The following KHDRBS3 variants were observed in gnomAD, a reference collection of about 807,000 sequenced individuals.
The protein encoded by KHDRBS3 is KH domain-containing, RNA-binding, signal transduction-associated protein 3.
KHDRBS3 carries 23 observed loss-of-function variants against 45.6 expected under a neutral mutation model. That is an observed-to-expected ratio of 0.50 (90% CI 0.36 to 0.72). KHDRBS3 has a LOEUF of 0.72. Ranked by LOEUF, KHDRBS3 falls within the 30% of genes least tolerant of loss-of-function variation. The probability of loss-of-function intolerance (pLI) is 0.00; values close to 1 mark genes in which losing one functional copy is unlikely to be tolerated. For synonymous variants in KHDRBS3, 162 were observed against 156.5 expected (o/e 1.04, Z -0.26); for missense variants, 352 against 424.8 (o/e 0.83, Z 1.51).
At chr8:135,598,317 T>C (rs1206300949) in intron 6 of KHDRBS3, among the ~76,000 whole-genome samples, 2 of 152,216 alleles carry the variant, frequency 1.3e-5, no homozygotes, top group African/African-American at 2.4e-5. Context: ...ACAATTTTCA[T>C]AAATATTTTT....
intron 2 of KHDRBS3, among the ~76,000 whole-genome samples, chr8:135,528,131 A>G (rs1825285747): frequency 6.6e-6 from 1 of 152,196 alleles, no homozygotes. Context: ...TGTACATACT[A>G]TCTGCAGTAA....
chr8:135,461,930 C>T (rs1229767889), intron 1 of KHDRBS3, among the ~76,000 whole-genome samples: 2 of 152,100 alleles, frequency 1.3e-5, no homozygotes, highest in Non-Finnish European at 2.9e-5. Context: ...TATTACAATT[C>T]TTAGCATTAC....
At chr8:135,523,222 A>G (rs755011403) in intron 2 of KHDRBS3, among the ~76,000 whole-genome samples, 21 of 152,190 alleles carry the variant, frequency 1.4e-4, no homozygotes, top group Non-Finnish European at 2.4e-4. Context: ...TAGAATTGCA[A>G]TCGCATTGCA....
At chr8:135,570,675 C>T (rs903409429) in intron 5 of KHDRBS3, among the ~76,000 whole-genome samples, 1 of 152,156 alleles carries the variant, frequency 6.6e-6, no homozygotes, top group Non-Finnish European at 1.5e-5. Flanking sequence ...TCACCCTCTT[C>T]TCCTTCCTTC....
chr8:135,513,823 T>G (rs1249777384), intron 1 of KHDRBS3, among the ~76,000 whole-genome samples: 2 of 152,198 alleles, frequency 1.3e-5, no homozygotes, highest in African/African-American at 2.4e-5. Flanking sequence ...CATCTTAGGC[T>G]TCAGTGACTA....
At chr8:135,631,304 T>C (rs1830593621) in intron 7 of KHDRBS3, among the ~76,000 whole-genome samples, 1 of 151,692 alleles carries the variant, frequency 6.6e-6, no homozygotes, top group African/African-American at 2.4e-5. Context: ...ATTAACAGCT[T>C]ACTATAACTT....
intron 7 of KHDRBS3, among the ~76,000 whole-genome samples, chr8:135,630,077 G>A (rs539806626): frequency 6.6e-6 from 1 of 152,236 alleles, no homozygotes; most frequent in Non-Finnish European, 1.5e-5. Flanking sequence ...CAGAGAGGGA[G>A]TAAGGAATGT....
At chr8:135,636,604 G>C (rs1449918970) in intron 7 of KHDRBS3, among the ~76,000 whole-genome samples, 1 of 152,222 alleles carries the variant, frequency 6.6e-6, no homozygotes, top group Non-Finnish European at 1.5e-5. Context: ...CACTGTGGGA[G>C]AGGTGGGCTC....
chr8:135,474,143 A>G (rs1822152102), intron 1 of KHDRBS3, among the ~76,000 whole-genome samples: 1 of 152,128 alleles, frequency 6.6e-6, no homozygotes, highest in African/African-American at 2.4e-5. Context: ...TAACCTGTAA[A>G]AGACACCTTT....
At chr8:135,628,811 GAATAA>G (rs1269421964) in intron 7 of KHDRBS3, among the ~76,000 whole-genome samples, 1 of 152,176 alleles carries the variant, frequency 6.6e-6, no homozygotes. Flanking sequence ...GCTTTGTGGA[GAATAA>G]AATAAGAGAA....
At chr8:135,466,010 A>G (rs989928509) in intron 1 of KHDRBS3, among the ~76,000 whole-genome samples, 4 of 152,078 alleles carry the variant, frequency 2.6e-5, no homozygotes, top group Admixed American at 1.3e-4. Flanking sequence ...CTCTGCTTCA[A>G]TGTTTGTGCC....
At chr8:135,559,748 C>A (rs900799565) in intron 5 of KHDRBS3, among the ~76,000 whole-genome samples, 15 of 152,168 alleles carry the variant, frequency 9.9e-5, no homozygotes, top group African/African-American at 3.6e-4. Flanking sequence ...TTTGTAAATG[C>A]AGATAAATAG....
At chr8:135,561,780 A>G (rs1827180835) in intron 5 of KHDRBS3, among the ~76,000 whole-genome samples, 1 of 152,134 alleles carries the variant, frequency 6.6e-6, no homozygotes, top group Non-Finnish European at 1.5e-5. Context: ...GATGATCTTG[A>G]TGATCTTGAC....
chr8:135,532,071 C>T (rs555932541), intron 2 of KHDRBS3, among the ~76,000 whole-genome samples: 40 of 152,196 alleles, frequency 2.6e-4, no homozygotes, highest in African/African-American at 9.6e-4. Context: ...AGCAACTATG[C>T]TAAGAAACAA....
At chr8:135,628,672 ATAG>A (rs1482168219) in intron 7 of KHDRBS3, among the ~76,000 whole-genome samples, 1 of 152,138 alleles carries the variant, frequency 6.6e-6, no homozygotes, top group African/African-American at 2.4e-5. Context: ...CTAGCATCAG[ATAG>A]TAGTAGTTGC....
At chr8:135,619,603 G>A (rs1429818831) in intron 7 of KHDRBS3, among the ~76,000 whole-genome samples, 4 of 152,206 alleles carry the variant, frequency 2.6e-5, no homozygotes, top group Admixed American at 6.5e-5. Flanking sequence ...AAAGTTAAGC[G>A]AAATGGAAAG....
chr8:135,555,022 G>A (rs1226497092), intron 4 of KHDRBS3, among the ~76,000 whole-genome samples: 1 of 152,036 alleles, frequency 6.6e-6, no homozygotes, highest in African/African-American at 2.4e-5. Flanking sequence ...AATTTCTGTG[G>A]CTTACTGCTA....
At chr8:135,504,021 T>C (rs149881297) in intron 1 of KHDRBS3, among the ~76,000 whole-genome samples, 2 of 152,320 alleles carry the variant, frequency 1.3e-5, no homozygotes, top group African/African-American at 4.8e-5. Flanking sequence ...ATCACAACTC[T>C]AGAGGTAGAC....
At chr8:135,596,058 A>G (rs1286773868) in intron 6 of KHDRBS3, among the ~76,000 whole-genome samples, 1 of 152,158 alleles carries the variant, frequency 6.6e-6, no homozygotes, top group Non-Finnish European at 1.5e-5. Context: ...CTTGGGGGAA[A>G]ATGAAAATGA....
Sources: allele counts gnomAD v4.1 joint callset (sites outside exome capture counted in the v4.1 genomes callset), GRCh38; gene constraint gnomAD v4.1.1; transcripts MANE v1.5; gene names NCBI Gene and HGNC (gene_info 2026-07-23, HGNC 2026-07-21).